ARHGAP15: variants seen among roughly 807,000 people sequenced by gnomAD.
ARHGAP15 encodes the protein Rho GTPase activating protein 15.
In ARHGAP15, 51 loss-of-function variants were observed where a neutral mutation model predicts 63.7. The ratio of observed to expected loss-of-function variants is 0.80; its 90% CI spans 0.64 to 1.01. The LOEUF (loss-of-function observed/expected upper bound fraction) is 1.01, where lower values mean the gene tolerates loss of function less well. Ranked by LOEUF, ARHGAP15 falls within the 50% of genes least tolerant of loss-of-function variation. The pLI is 0.00. For synonymous variants in ARHGAP15, 191 were observed against 193.8 expected (o/e 0.99, Z 0.12); for missense variants, 560 against 564.6 (o/e 0.99, Z 0.08).
At chr2:143,308,844 A>G (rs1295968501) in intron 6 of ARHGAP15, among the ~76,000 whole-genome samples, 3 of 151,458 alleles carry the variant, frequency 2.0e-5, no homozygotes, top group African/African-American at 7.3e-5. Flanking sequence ...ATAGTAAATC[A>G]GGAAAAAAGG....
intron 11 of ARHGAP15, among the ~76,000 whole-genome samples, chr2:143,595,461 C>G (rs757051987): frequency 6.6e-6 from 1 of 151,950 alleles, no homozygotes; most frequent in Non-Finnish European, 1.5e-5. Flanking sequence ...ACGTAATGCC[C>G]CGTGGAATCC....
chr2:143,400,321 C>T (rs1687936210), intron 6 of ARHGAP15, among the ~76,000 whole-genome samples: 1 of 151,844 alleles, frequency 6.6e-6, no homozygotes, highest in Non-Finnish European at 1.5e-5. Flanking sequence ...GGTGGTGGCT[C>T]TACAGGAGGA....
At chr2:143,427,282 C>T (rs1689174439) in intron 6 of ARHGAP15, among the ~76,000 whole-genome samples, 1 of 152,128 alleles carries the variant, frequency 6.6e-6, no homozygotes, top group African/African-American at 2.4e-5. Flanking sequence ...GCTTAAGTCA[C>T]TGTATCATAA....
intron 5 of ARHGAP15, chr2:143,247,207 A>C (rs745352260): frequency 1.4e-4 from 21 of 152,382 alleles, no homozygotes; most frequent in African/African-American, 4.8e-4. Context: ...TTTGGGTTGG[A>C]TGAAGGTTGC....
Position 143,189,005 on chromosome 2 carries a change from A to G in ARHGAP15, c.166-13129A>G, listed in dbSNP as rs1054109172. Among the ~76,000 whole-genome samples, 5 of 152,160 alleles carry G rather than the reference A, an allele frequency of 3.3e-5. No homozygotes were observed. In the East Asian group the frequency reaches 5.8e-4, roughly 18 times the overall value. On this transcript the variant is annotated intron_variant, in intron 2 of 13. Transcript: ENST00000295095. Reference sequence around the variant, plus strand: ...CTAAACACTTCCCCTAGTTGCTTCCAAACAAGAATATAGTGGAAATAAACA... The same window carrying G: ...CTAAACACTTCCCCTAGTTGCTTCCGAACAAGAATATAGTGGAAATAAACA...
intron 13 of ARHGAP15, among the ~76,000 whole-genome samples, chr2:143,746,293 C>A (rs201717850): frequency 2.0e-5 from 3 of 150,508 alleles, no homozygotes; most frequent in African/African-American, 2.4e-5. Flanking sequence ...ATTCCTTTTT[C>A]AAAAAAAAAC....
intron 12 of ARHGAP15, among the ~76,000 whole-genome samples, chr2:143,668,416 G>A (rs1449441383): frequency 6.6e-6 from 1 of 151,556 alleles, no homozygotes; most frequent in Non-Finnish European, 1.5e-5. Context: ...CTCTGTGTGA[G>A]TCTCTATTCC....
chr2:143,521,380 ATTC>A (rs1374076355), intron 10 of ARHGAP15, among the ~76,000 whole-genome samples: 12 of 152,166 alleles, frequency 7.9e-5, no homozygotes, highest in African/African-American at 2.9e-4. Flanking sequence ...TTGGATTAAT[ATTC>A]TTATATTTAT....
rs575693663 is a variant in ARHGAP15 at position 143,545,750 on chromosome 2, T to A, written c.926-10658T>A. ...ATAATTCGCTACATCACAATTGGGA[T>A]TTTTTTTTCCTACGTCTTCAGCAGT... On this transcript the variant is annotated intron_variant, in intron 10 of 13. Coordinates refer to ENST00000295095, the MANE Select transcript of ARHGAP15 (RefSeq NM_018460.4). Among the ~76,000 whole-genome samples, 4 of 151,814 alleles carry A rather than the reference T, an allele frequency of 2.6e-5. 1 individual carries two copies. The South Asian group carries it at 8.3e-4, about 32-fold the overall frequency.
intron 11 of ARHGAP15, among the ~76,000 whole-genome samples, chr2:143,600,101 A>G (rs1486539739): frequency 2.6e-5 from 4 of 152,180 alleles, no homozygotes; most frequent in Admixed American, 2.6e-4. Flanking sequence ...AAACACATGG[A>G]TGAAGTTATT....
intron 9 of ARHGAP15, among the ~76,000 whole-genome samples, chr2:143,517,249 G>T: frequency 6.6e-6 from 1 of 152,042 alleles, no homozygotes; most frequent in East Asian, 1.9e-4. Context: ...GCCCGGCCTG[G>T]AGTATATTAT....
chr2:143,514,219 A>G (rs1270851692), intron 9 of ARHGAP15, among the ~76,000 whole-genome samples: 1 of 152,212 alleles, frequency 6.6e-6, no homozygotes, highest in South Asian at 2.1e-4. Context: ...TATAACCTGC[A>G]TGAAATAGTT....
chr2:143,427,120 C>T (rs993192400), intron 6 of ARHGAP15, among the ~76,000 whole-genome samples: 1 of 152,072 alleles, frequency 6.6e-6, no homozygotes, highest in Non-Finnish European at 1.5e-5. Flanking sequence ...TGTAAGCAGA[C>T]ATGGAACAAT....
intron 2 of ARHGAP15, among the ~76,000 whole-genome samples, chr2:143,185,476 A>G (rs531984004): frequency 6.6e-6 from 1 of 152,300 alleles, no homozygotes; most frequent in African/African-American, 2.4e-5. Flanking sequence ...TTCAAACTGC[A>G]GTCTCCTCTA....
chr2:143,765,724 G>T (rs570900665), intron 13 of ARHGAP15, among the ~76,000 whole-genome samples: 1 of 152,026 alleles, frequency 6.6e-6, no homozygotes, highest in Non-Finnish European at 1.5e-5. Context: ...GTGAAAAGCC[G>T]GCCCAGTTAC....
chr2:143,202,709 G>A (rs904785304), intron 3 of ARHGAP15, among the ~76,000 whole-genome samples: 2 of 151,958 alleles, frequency 1.3e-5, no homozygotes, highest in Admixed American at 6.6e-5. Context: ...GATTACATAA[G>A]GATGTGAATA....
intron 13 of ARHGAP15, among the ~76,000 whole-genome samples, chr2:143,740,712 G>C (rs994943481): frequency 6.6e-6 from 1 of 151,840 alleles, no homozygotes; most frequent in African/African-American, 2.4e-5. Context: ...AATAAATGTG[G>C]GCCCCAAAAC....
chr2:143,580,560 G>A (rs1242032906), intron 11 of ARHGAP15, among the ~76,000 whole-genome samples: 1 of 151,850 alleles, frequency 6.6e-6, no homozygotes, highest in South Asian at 2.1e-4. Context: ...ACTCCACTGA[G>A]GTTCCAAGTT....
chr2:143,641,361 T>A (rs1680592323), intron 12 of ARHGAP15: 1 of 152,138 alleles, frequency 6.6e-6, no homozygotes, highest in Non-Finnish European at 1.5e-5. Flanking sequence ...ACTGTTGTTC[T>A]TTCTAATATC....
Sources: gnomAD v4.1 joint callset for allele counts (sites outside exome capture counted in the v4.1 genomes callset) on GRCh38, gnomAD v4.1.1 for gene constraint, MANE v1.5 for transcripts, NCBI Gene and HGNC (gene_info 2026-07-23, HGNC 2026-07-21) for gene names.